The following SGCZ variants were observed in gnomAD, a reference collection of about 807,000 sequenced individuals.
SGCZ encodes the protein sarcoglycan zeta, also known as zeta-sarcoglycan.
In SGCZ, 40 loss-of-function variants were observed where a neutral mutation model predicts 41.3. The observed-to-expected ratio is 0.97, with a 90% CI of 0.75 to 1.26. The LOEUF (loss-of-function observed/expected upper bound fraction) is 1.26. Ranked by LOEUF, SGCZ falls within the 50% of genes most tolerant of loss-of-function variation. The pLI, the probability that SGCZ is intolerant of heterozygous loss-of-function variation, is 0.00. For missense variants in SGCZ, 552 were observed against 369.8 expected, an observed-to-expected ratio of 1.49 and a Z score of -4.04; for synonymous variants, 206 against 137.5, an observed-to-expected ratio of 1.50 and a Z score of -3.49.
At chr8:14,836,498 A>T (rs1802707452) in intron 1 of SGCZ, among the ~76,000 whole-genome samples, 1 of 151,778 alleles carries the variant, frequency 6.6e-6, no homozygotes, top group Admixed American at 6.6e-5. Context: ...CCCAACACTC[A>T]CAATTGTGTT....
At chr8:14,873,354 T>C (rs1438363631) in intron 1 of SGCZ, among the ~76,000 whole-genome samples, 1 of 152,148 alleles carries the variant, frequency 6.6e-6, no homozygotes, top group Non-Finnish European at 1.5e-5. Flanking sequence ...TTTTTTTATA[T>C]TTTATAATAC....
intron 1 of SGCZ, among the ~76,000 whole-genome samples, chr8:14,684,375 A>C (rs1465574091): frequency 2.0e-5 from 3 of 152,168 alleles, no homozygotes; most frequent in Admixed American, 1.3e-4. Context: ...ATTTATGTAC[A>C]GACACATTTT....
intron 2 of SGCZ, among the ~76,000 whole-genome samples, chr8:14,358,436 T>C (rs1342734362): frequency 6.6e-6 from 1 of 152,128 alleles, no homozygotes; most frequent in African/African-American, 2.4e-5. Context: ...GTAAGAAGTC[T>C]TACTGTCACC....
chr8:14,944,378 C>A (rs73666948), intron 1 of SGCZ, among the ~76,000 whole-genome samples: 5,007 of 152,168 alleles, frequency 0.033, 270 homozygotes, highest in African/African-American at 0.11. Context: ...ATTTTCTGAA[C>A]AATAACACAA....
chr8:14,508,956 C>G (rs1461168766), intron 2 of SGCZ, among the ~76,000 whole-genome samples: 2 of 152,068 alleles, frequency 1.3e-5, no homozygotes, highest in East Asian at 1.9e-4. Flanking sequence ...ATATGTAGTA[C>G]TTATTGATTT....
chr8:14,666,989 C>T (rs765227324), intron 1 of SGCZ, among the ~76,000 whole-genome samples: 4 of 151,766 alleles, frequency 2.6e-5, no homozygotes, highest in African/African-American at 4.8e-5. Context: ...TACTAAGAAT[C>T]GCTAATGAGC....
At chr8:14,479,327 G>C (rs150023109) in intron 2 of SGCZ, among the ~76,000 whole-genome samples, 271 of 152,264 alleles carry the variant, frequency 1.8e-3, no homozygotes, top group African/African-American at 6.3e-3. Flanking sequence ...GAGAAAAATA[G>C]AGGCCCGGAG....
chr8:14,569,654 A>G (rs1339554711), intron 1 of SGCZ, among the ~76,000 whole-genome samples: 1 of 152,196 alleles, frequency 6.6e-6, no homozygotes, highest in Non-Finnish European at 1.5e-5. Context: ...GGTAAGTGAG[A>G]TGTTAAGAGG....
At chr8:14,584,565 A>G (rs576389990) in intron 1 of SGCZ, among the ~76,000 whole-genome samples, 2 of 152,174 alleles carry the variant, frequency 1.3e-5, no homozygotes, top group East Asian at 3.8e-4. Flanking sequence ...GAAACAAGGT[A>G]ATTACAAATG....
At chr8:14,391,160 G>C (rs1009624428) in intron 2 of SGCZ, among the ~76,000 whole-genome samples, 1 of 152,076 alleles carries the variant, frequency 6.6e-6, no homozygotes, top group Non-Finnish European at 1.5e-5. Flanking sequence ...AAAATGGATT[G>C]ATGTAATGCC....
chr8:14,508,086 G>C, intron 2 of SGCZ, among the ~76,000 whole-genome samples: 1 of 148,932 alleles, frequency 6.7e-6, no homozygotes, highest in East Asian at 2.0e-4. Flanking sequence ...TACTTTCTTC[G>C]TGAGATCTAC....
intron 1 of SGCZ, among the ~76,000 whole-genome samples, chr8:15,109,936 T>C (rs184988595): frequency 6.4e-4 from 98 of 152,326 alleles, no homozygotes; most frequent in Admixed American, 4.9e-3. Flanking sequence ...TATACAAATA[T>C]ACATTAAACT....
chr8:14,746,268 T>A (rs926312854), intron 1 of SGCZ, among the ~76,000 whole-genome samples: 1 of 152,102 alleles, frequency 6.6e-6, no homozygotes, highest in Non-Finnish European at 1.5e-5. Context: ...TCTTTAAAAA[T>A]TTTATACACA....
At chr8:14,871,951 T>C (rs1828432984) in intron 1 of SGCZ, among the ~76,000 whole-genome samples, 1 of 151,602 alleles carries the variant, frequency 6.6e-6, no homozygotes, top group Admixed American at 6.6e-5. Context: ...TGTATATATA[T>C]ATATAGGACA....
At chr8:14,211,043 A>G (rs777342933) in intron 4 of SGCZ, among the ~76,000 whole-genome samples, 72 of 152,294 alleles carry the variant, frequency 4.7e-4, no homozygotes, top group Middle Eastern at 3.4e-3. Context: ...TTGTTTCCCA[A>G]AGGGAATGTG....
intron 1 of SGCZ, among the ~76,000 whole-genome samples, chr8:14,825,188 C>G (rs1442151575): frequency 6.6e-6 from 1 of 152,124 alleles, no homozygotes; most frequent in African/African-American, 2.4e-5. Context: ...AAACAAAAAT[C>G]TTAACATTAT....
intron 1 of SGCZ, among the ~76,000 whole-genome samples, chr8:14,748,262 A>T (rs1799395575): frequency 6.7e-6 from 1 of 150,250 alleles, no homozygotes; most frequent in African/African-American, 2.4e-5. Flanking sequence ...GAAGAATTTG[A>T]ATTTACAGTG....
intron 1 of SGCZ, among the ~76,000 whole-genome samples, chr8:14,815,382 AT>A (rs368066882): frequency 0.045 from 6,648 of 147,548 alleles, 420 homozygotes; most frequent in African/African-American, 0.14. Flanking sequence ...AACTTGTATG[AT>A]TTTTTTTTTT....
intron 1 of SGCZ, among the ~76,000 whole-genome samples, chr8:14,750,137 C>A (rs1323456926): frequency 1.3e-5 from 2 of 151,946 alleles, no homozygotes; most frequent in Non-Finnish European, 2.9e-5. Flanking sequence ...ATATATGAAG[C>A]CTTTTGAATT....
Sources: gnomAD v4.1 joint callset for allele counts (sites outside exome capture counted in the v4.1 genomes callset) on GRCh38, gnomAD v4.1.1 for gene constraint, MANE v1.5 for transcripts, NCBI Gene and HGNC (gene_info 2026-07-23, HGNC 2026-07-21) for gene names.